The following SBF2 variants were observed in gnomAD, a reference collection of about 807,000 sequenced individuals.
SBF2 encodes SET binding factor 2, also known as myotubularin-related protein 13.
A neutral mutation model predicts 225.2 loss-of-function variants in SBF2; 112 were observed. The observed-to-expected ratio is 0.50, with a 90% CI of 0.43 to 0.58. The LOEUF (loss-of-function observed/expected upper bound fraction) is 0.58. SBF2 is among the 20% of genes least tolerant of loss of function. The probability of loss-of-function intolerance (pLI) is 0.00; values close to 1 mark genes in which losing one functional copy is unlikely to be tolerated. For synonymous variants in SBF2, 763 were observed against 773.3 expected (o/e 0.99, Z 0.22); for missense variants, 1,996 against 2,206.2 (o/e 0.90, Z 1.91).
At chr11:9,937,018 T>A (rs192644408) in intron 16 of SBF2, among the ~76,000 whole-genome samples, 7 of 152,228 alleles carry the variant, frequency 4.6e-5, no homozygotes, top group Non-Finnish European at 1.0e-4. Flanking sequence ...AGGGGCCAAA[T>A]TTCTAACACA....
intron 16 of SBF2, among the ~76,000 whole-genome samples, chr11:9,911,811 C>T (rs1381337986): frequency 6.6e-6 from 1 of 151,642 alleles, no homozygotes; most frequent in African/African-American, 2.4e-5. Flanking sequence ...CAAATACTTA[C>T]CATTGTGTTA....
chr11:10,046,168 T>C (rs1286127943), intron 2 of SBF2, among the ~76,000 whole-genome samples: 2 of 152,130 alleles, frequency 1.3e-5, no homozygotes, highest in East Asian at 1.9e-4. Flanking sequence ...TTTTGGTATG[T>C]GTGGGGGATT....
At chr11:10,185,700 T>C (rs957289901) in intron 2 of SBF2, among the ~76,000 whole-genome samples, 38 of 151,950 alleles carry the variant, frequency 2.5e-4, no homozygotes, top group African/African-American at 4.4e-4. Context: ...TCCTTAATAA[T>C]TGGTGATGTT....
chr11:9,967,179 G>C (rs1866966648), intron 14 of SBF2, among the ~76,000 whole-genome samples: 1 of 152,068 alleles, frequency 6.6e-6, no homozygotes, highest in Non-Finnish European at 1.5e-5. Flanking sequence ...AGACCATCCT[G>C]GCTAACACAG....
chr11:9,790,931 A>G, intron 33 of SBF2: 2 of 384,462 alleles, frequency 5.2e-6, no homozygotes, highest in Non-Finnish European at 9.6e-6. Context: ...GCAGTCTATC[A>G]ATCATGACTC....
intron 1 of SBF2, among the ~76,000 whole-genome samples, chr11:10,288,432 C>A (rs1175289774): frequency 6.6e-6 from 1 of 152,134 alleles, no homozygotes; most frequent in Non-Finnish European, 1.5e-5. Flanking sequence ...GAGGGTAGCT[C>A]CTTTATGCAG....
At chr11:9,908,368 G>A (rs1862275071) in intron 16 of SBF2, among the ~76,000 whole-genome samples, 1 of 152,224 alleles carries the variant, frequency 6.6e-6, no homozygotes, top group Non-Finnish European at 1.5e-5. Context: ...GCTCACGCCT[G>A]TAATCCCAGC....
intron 2 of SBF2, among the ~76,000 whole-genome samples, chr11:10,150,881 A>C (rs1442495267): frequency 6.6e-6 from 1 of 152,310 alleles, no homozygotes; most frequent in East Asian, 1.9e-4. Flanking sequence ...TGGGAGGATA[A>C]ATCTTTTACC....
intron 2 of SBF2, among the ~76,000 whole-genome samples, chr11:10,089,081 C>G (rs538494293): frequency 5.3e-5 from 8 of 152,244 alleles, no homozygotes; most frequent in African/African-American, 1.9e-4. Context: ...TTAGTGGGTA[C>G]AAGTGCAGTT....
chr11:9,855,674 T>C (rs1415237724), intron 19 of SBF2, among the ~76,000 whole-genome samples: 2 of 152,026 alleles, frequency 1.3e-5, no homozygotes, highest in Admixed American at 6.6e-5. Context: ...CAAGCAAACA[T>C]ATGAAAATAA....
At chr11:10,132,788 T>C (rs184815970) in intron 2 of SBF2, among the ~76,000 whole-genome samples, 1 of 149,088 alleles carries the variant, frequency 6.7e-6, no homozygotes, top group Admixed American at 6.8e-5. Flanking sequence ...CCCACCCACA[T>C]CCTGCTGATT....
intron 1 of SBF2, among the ~76,000 whole-genome samples, chr11:10,302,042 A>ACTTC (rs746087859): frequency 6.7e-6 from 1 of 149,548 alleles, no homozygotes; most frequent in Admixed American, 6.7e-5. Flanking sequence ...TTCTTCCTTC[A>ACTTC]CTTCCTTCCT....
chr11:10,051,177 C>T (rs956347160), intron 2 of SBF2, among the ~76,000 whole-genome samples: 1 of 152,030 alleles, frequency 6.6e-6, no homozygotes, highest in South Asian at 2.1e-4. Context: ...CCTTCATCTG[C>T]ATCCATAAAT....
At chr11:10,050,294 C>T (rs1445300823) in intron 2 of SBF2, among the ~76,000 whole-genome samples, 2 of 152,088 alleles carry the variant, frequency 1.3e-5, no homozygotes, top group Admixed American at 6.6e-5. Context: ...AACAATGCAA[C>T]TTTTTATAAC....
At chr11:9,809,598 G>A (rs1854058226) in intron 30 of SBF2, among the ~76,000 whole-genome samples, 1 of 148,138 alleles carries the variant, frequency 6.8e-6, no homozygotes, top group Non-Finnish European at 1.5e-5. Flanking sequence ...AGGCTGGAGT[G>A]CAGTGATGCA....
At chr11:10,216,783 T>C (rs760676936) in intron 1 of SBF2, among the ~76,000 whole-genome samples, 3 of 152,052 alleles carry the variant, frequency 2.0e-5, no homozygotes, top group Non-Finnish European at 2.9e-5. Context: ...GGCAGGAGAA[T>C]CGCTTGAAAC....
chr11:9,869,055 C>T (rs775948739), intron 17 of SBF2, among the ~76,000 whole-genome samples: 1 of 152,220 alleles, frequency 6.6e-6, no homozygotes, highest in South Asian at 2.1e-4. Context: ...TTTCCCTTAT[C>T]AACTGTTGGT....
At chr11:10,030,260 T>G (rs1317321992) in intron 4 of SBF2, among the ~76,000 whole-genome samples, 1 of 152,202 alleles carries the variant, frequency 6.6e-6, no homozygotes, top group African/African-American at 2.4e-5. Flanking sequence ...GGAATGCTTA[T>G]TCTACAGAAA....
chr11:9,877,412 T>C (rs1859346650), intron 17 of SBF2, among the ~76,000 whole-genome samples: 1 of 152,196 alleles, frequency 6.6e-6, no homozygotes, highest in Non-Finnish European at 1.5e-5. Context: ...TTTTTAAAAT[T>C]ATACTTTAAG....
Sources: gnomAD v4.1 joint callset for allele counts (sites outside exome capture counted in the v4.1 genomes callset) on GRCh38, gnomAD v4.1.1 for gene constraint, MANE v1.5 for transcripts, NCBI Gene and HGNC (gene_info 2026-07-23, HGNC 2026-07-21) for gene names.